Variants in ZSWIM2 observed in about 807,000 individuals in gnomAD.
The protein encoded by ZSWIM2 is E3 ubiquitin-protein ligase ZSWIM2.
ZSWIM2 carries 38 observed loss-of-function variants against 48.4 expected under a neutral mutation model. The observed-to-expected ratio is 0.79, with a 90% CI of 0.61 to 1.03. The LOEUF is 1.03. Among genes scored for constraint, ZSWIM2 ranks in the 50% least tolerant of loss-of-function variants. The probability of loss-of-function intolerance (pLI) is 0.00; values close to 1 mark genes in which losing one functional copy is unlikely to be tolerated. For missense variants in ZSWIM2, 776 were observed against 730.2 expected (o/e 1.06, Z -0.72); for synonymous variants, 240 against 251.3 (o/e 0.96, Z 0.42).
intron 2 of ZSWIM2, among the ~76,000 whole-genome samples, chr2:186,845,837 T>A (rs920275055): frequency 2.6e-5 from 4 of 151,654 alleles, no homozygotes; most frequent in African/African-American, 9.7e-5. Flanking sequence ...GAGTTCTACT[T>A]CTATCTTGAA....
Position 186,840,459 on chromosome 2 carries a change from G to C in ZSWIM2, c.284-1290C>G, listed in dbSNP as rs186472696. 9.6e-4 allele frequency among the ~76,000 whole-genome samples: 139 copies of C among 145,494 alleles called. 1 individual carries two copies. The East Asian group carries it at 0.022, about 23-fold the overall frequency. ...TATTTTGAAAGAGAAGAGCAAGACA[G>C]CTAACCGGGACTGACATCACAATGT... On this transcript the variant is annotated intron_variant, in intron 3 of 8. Transcript: ENST00000295131.
intron 4 of ZSWIM2, among the ~76,000 whole-genome samples, chr2:186,838,619 T>C (rs927429708): frequency 6.7e-6 from 1 of 149,534 alleles, no homozygotes; most frequent in Admixed American, 6.7e-5. Flanking sequence ...CTCAGAAAGA[T>C]TTAGAGTAAG....
Position 186,827,889 on chromosome 2 carries a change from T to G in ZSWIM2, c.*95A>C. ...GTAGGCAAATTCCAACAGAGAATTT[T>G]ATATACATTTGTCAAGACTATGTGT... On this transcript the variant is annotated 3_prime_UTR_variant, in exon 9 of 9. Transcript: ENST00000295131. 1 of 1,086,336 alleles carries G rather than the reference T, an allele frequency of 9.2e-7. No individual in the cohort carries two copies. The highest frequency in any genetic ancestry group is 1.9e-5 in the South Asian group (1 of 52,264). The allele number at this position is 1,086,336 out of a possible 1,614,324, so 67.3% of individuals were successfully genotyped here. A position where few individuals can be genotyped will look rare whatever the true frequency, so the allele number is the denominator to read the frequency against.
intron 3 of ZSWIM2, among the ~76,000 whole-genome samples, chr2:186,840,783 A>G (rs2105820799): frequency 6.6e-6 from 1 of 151,692 alleles, no homozygotes; most frequent in South Asian, 2.1e-4. Flanking sequence ...CATGAAAAGA[A>G]CAGATGATCC....
At chr2:186,834,409 AC>A (rs959954901) in intron 5 of ZSWIM2, among the ~76,000 whole-genome samples, 29 of 152,086 alleles carry the variant, frequency 1.9e-4, no homozygotes, top group African/African-American at 6.3e-4. Context: ...CCTGTTCAGA[AC>A]CGGGACATAC....
rs1476763423 is a variant in ZSWIM2, at chr2:186,834,046, A to G, written c.744-16T>C. 6.3e-6 allele frequency: 10 copies of G among 1,578,354 alleles called. No homozygotes were observed. Among genetic ancestry groups the G allele is most frequent in the African/African-American group, 1.4e-5 (1 of 73,884 alleles). On this transcript the variant is annotated splice_polypyrimidine_tract_variant and intron_variant, in intron 5 of 8. Transcript: ENST00000295131. ...TTCGGTACACCTAAAAATACAAAAC[A>G]TCAAAACACGCAAGAAAAAAAAATC...
chr2:186,835,733 A>G (rs1287605941), intron 5 of ZSWIM2, among the ~76,000 whole-genome samples: 1 of 152,220 alleles, frequency 6.6e-6, no homozygotes, highest in Non-Finnish European at 1.5e-5. Flanking sequence ...AAGGAAATGG[A>G]AATAGTTTTT....
chr2:186,833,373 GTACT>G (rs1691738378), intron 6 of ZSWIM2, 141 bp from the exon 7 acceptor site: 2 of 468,842 alleles, frequency 4.3e-6, no homozygotes, highest in Non-Finnish European at 7.4e-6. Context: ...ACATGTTAAA[GTACT>G]TACAAATTAT....
intron 1 of ZSWIM2, chr2:186,848,710 G>GATCA: frequency 2.4e-6 from 1 of 424,746 alleles, no homozygotes; most frequent in Middle Eastern, 4.6e-4. Context: ...CAAGCCTAAA[G>GATCA]ATCAAGAGCC....
Position 186,828,699 on chromosome 2 carries a change from T to G in ZSWIM2, c.1187A>C (p.Lys396Thr), listed in dbSNP as rs2105814929. 2 of 1,613,052 alleles carry G rather than the reference T, an allele frequency of 1.2e-6. No homozygotes were observed. The highest frequency in any genetic ancestry group is 4.5e-5 in the East Asian group (2 of 44,792). The part of the protein sequence containing the change: ...GQVIYNPLTW[K>T]NSAVNGQAHQ... ...TGCTTGTCCATTCACTGCTGAATTT[T>G]TCCAAGTTAAAGGGTTATATATAAC... The change falls in exon 9 of 9, where the codon AAA becomes ACA. Residue 396 changes from lysine to threonine, a missense_variant. Transcript: ENST00000295131.
intron 5 of ZSWIM2, among the ~76,000 whole-genome samples, chr2:186,835,143 C>T (rs1691771744): frequency 6.6e-6 from 1 of 152,030 alleles, no homozygotes; most frequent in Non-Finnish European, 1.5e-5. Flanking sequence ...TGGCAGCATA[C>T]TTCTTGAAAA....
intron 3 of ZSWIM2, among the ~76,000 whole-genome samples, chr2:186,839,621 G>A (rs1295572747): frequency 6.6e-6 from 1 of 151,694 alleles, no homozygotes. Flanking sequence ...AATAATAATG[G>A]AAGAGCAAGA....
intron 3 of ZSWIM2, among the ~76,000 whole-genome samples, chr2:186,840,049 C>T (rs1691876595): frequency 6.6e-6 from 1 of 151,426 alleles, no homozygotes; most frequent in Non-Finnish European, 1.5e-5. Flanking sequence ...GGAAAGACCC[C>T]CCCCAACTAA....
chr2:186,832,962 A>C (rs1256692492), intron 7 of ZSWIM2, among the ~76,000 whole-genome samples, 158 bp downstream of exon 7: 1 of 152,156 alleles, frequency 6.6e-6, no homozygotes, highest in African/African-American at 2.4e-5. Context: ...CTTACTCTAC[A>C]GCCCTGCTCT....
At chr2:186,845,352 A>G (rs1418071273) in intron 2 of ZSWIM2, among the ~76,000 whole-genome samples, 1 of 151,450 alleles carries the variant, frequency 6.6e-6, no homozygotes, top group African/African-American at 2.4e-5. Context: ...ATAATAATCA[A>G]AAGAGAATAC....
chr2:186,828,403 TG>T lies in ZSWIM2; in HGVS notation c.1482del (p.Arg495GlyfsTer47). On this transcript the variant is annotated frameshift_variant, in exon 9 of 9. Coordinates refer to ENST00000295131, the MANE Select transcript of ZSWIM2 (RefSeq NM_182521.3). LOFTEE classifies it low-confidence loss of function (END_TRUNC). The part of the protein sequence containing the change: ...TYDYKISQHF[P>X]RYLQDLPTVS... Reference sequence around the variant, plus strand: ...ACAGTGGGTAAATCTTGAAGATACCTGGGAAAATGTTGGCTAATTTTATAAT... The same window carrying T: ...ACAGTGGGTAAATCTTGAAGATACCTGGAAAATGTTGGCTAATTTTATAAT... 1 of 1,613,680 alleles carries T rather than the reference TG, an allele frequency of 6.2e-7. No homozygotes were observed. Among genetic ancestry groups the T allele is most frequent in the Non-Finnish European group, 8.5e-7 (1 of 1,179,790 alleles).
chr2:186,837,215 A>T (rs1691808680), intron 5 of ZSWIM2, 91 bp downstream of exon 5: 1 of 1,345,716 alleles, frequency 7.4e-7, no homozygotes, highest in African/African-American at 1.5e-5. Context: ...AGGAAGAGGG[A>T]GGCTACAGAA....
At chr2:186,838,827 GTTAA>G in intron 4 of ZSWIM2, 128 bp downstream of exon 4, 1 of 421,428 alleles carries the variant, frequency 2.4e-6, no homozygotes, top group Non-Finnish European at 4.1e-6. Context: ...ATAAAAGAAT[GTTAA>G]TTAAGTATAA....
At chr2:186,833,652 T>A (rs1253737728) in intron 6 of ZSWIM2, among the ~76,000 whole-genome samples, 1 of 152,170 alleles carries the variant, frequency 6.6e-6, no homozygotes, top group African/African-American at 2.4e-5. Context: ...TGTTGAGAGC[T>A]TTTTAAAAAC....
Sources: allele counts gnomAD v4.1 joint callset (sites outside exome capture counted in the v4.1 genomes callset), GRCh38; gene constraint gnomAD v4.1.1; transcripts MANE v1.5; gene names NCBI Gene and HGNC (gene_info 2026-07-23, HGNC 2026-07-21).